The following PMVK variants were observed in gnomAD, a reference collection of about 807,000 sequenced individuals.
PMVK encodes testis tissue sperm-binding protein Li 95mP.
A neutral mutation model predicts 19.0 loss-of-function variants in PMVK; 10 were observed. That is an observed-to-expected ratio of 0.53 (90% CI 0.32 to 0.89). The LOEUF (loss-of-function observed/expected upper bound fraction) is 0.89, where lower values mean the gene tolerates loss of function less well. Among genes scored for constraint, PMVK ranks in the 40% least tolerant of loss-of-function variants. The probability of loss-of-function intolerance (pLI) is 0.03; values close to 1 mark genes in which losing one functional copy is unlikely to be tolerated. For missense variants in PMVK, 222 were observed against 251.1 expected (o/e 0.88, Z 0.78); for synonymous variants, 108 against 101.6 (o/e 1.06, Z -0.38).
rs1347130846 is a variant in PMVK at position 154,924,861 on chromosome 1, G to A, written c.*268C>T. The A allele has an allele frequency of 2.1e-6, 1 of 469,142 alleles. No homozygotes were observed. Among genetic ancestry groups the A allele is most frequent in the African/African-American group, 2.0e-5 (1 of 51,154 alleles). The allele number at this position is 469,142 out of a possible 1,614,324, so 29.1% of individuals were successfully genotyped here. On this transcript the variant is annotated 3_prime_UTR_variant, in exon 5 of 5. Coordinates refer to ENST00000368467, the MANE Select transcript of PMVK (RefSeq NM_006556.4). ...CACAGGCTGAGGGGACTGGCACTGG[G>A]GATATGGCAGGGTTTCGCCTTCAAG...
intron 2 of PMVK, among the ~76,000 whole-genome samples, chr1:154,929,708 C>T (rs1361174108): frequency 6.6e-6 from 1 of 152,074 alleles, no homozygotes; most frequent in Non-Finnish European, 1.5e-5. Context: ...TGGCTCTGGG[C>T]ACTTGCAAGG....
chr1:154,941,003 G>T (rs1654628352), upstream of PMVK, among the ~76,000 whole-genome samples: 1 of 152,238 alleles, frequency 6.6e-6, no homozygotes, highest in Admixed American at 6.5e-5. Context: ...GCCTCTGAGA[G>T]CAGAGTCTGT....
intron 2 of PMVK, among the ~76,000 whole-genome samples, chr1:154,930,956 GCATGCAC>G (rs1452808617): frequency 1.3e-5 from 2 of 151,528 alleles, no homozygotes; most frequent in Non-Finnish European, 2.9e-5. Context: ...AGGCATAGTG[GCATGCAC>G]CTGTATTCCT....
At chr1:154,927,181 T>C (rs1041916860) in intron 3 of PMVK, among the ~76,000 whole-genome samples, 14 of 152,032 alleles carry the variant, frequency 9.2e-5, no homozygotes, top group Non-Finnish European at 4.4e-5. Context: ...CCAGGCATGG[T>C]GGCTCATGCC....
intron 3 of PMVK, among the ~76,000 whole-genome samples, chr1:154,927,705 C>T (rs1417652918): frequency 1.3e-5 from 2 of 151,064 alleles, no homozygotes; most frequent in East Asian, 3.9e-4. Flanking sequence ...CTCAGACACA[C>T]CAGGCACACT....
At chr1:154,932,077 A>C (rs1299409250) in intron 2 of PMVK, among the ~76,000 whole-genome samples, 2 of 152,146 alleles carry the variant, frequency 1.3e-5, no homozygotes, top group East Asian at 3.8e-4. Context: ...GCAGGTCCTT[A>C]CTAATCACAC....
At chr1:154,941,658 G>T (rs1654643060), upstream of PMVK, among the ~76,000 whole-genome samples, 1 of 152,198 alleles carries the variant, frequency 6.6e-6, no homozygotes, top group Non-Finnish European at 1.5e-5. Flanking sequence ...CTCAAAAGGA[G>T]CAATGTGCCT....
At chr1:154,933,413 A>G (rs1654401610) in intron 1 of PMVK, among the ~76,000 whole-genome samples, 1 of 151,344 alleles carries the variant, frequency 6.6e-6, no homozygotes, top group Admixed American at 6.6e-5. Context: ...AGCCTGGGCA[A>G]CAAGAGTGAA....
In PMVK at chr1:154,932,301, T is replaced by C. The variant is rs565825507; in HGVS notation, c.159+51A>G. The C allele has an allele frequency of 1.4e-5, 19 of 1,331,974 alleles. No individual in the cohort carries two copies. The African/African-American group carries it at 1.8e-4, about 12-fold the overall frequency. 82.5% of individuals were successfully genotyped at this position (1,331,974 alleles called of 1,614,324 possible). ...TCAGGCAGCAGCCACAGCTCCAAAG[T>C]CCTGGAGCCGGCCCCGCCCAACACA... On this transcript the variant is annotated intron_variant, in intron 2 of 4. Transcript: ENST00000368467.
upstream of PMVK, among the ~76,000 whole-genome samples, chr1:154,940,740 C>T (rs769229017): frequency 2.6e-5 from 4 of 152,152 alleles, no homozygotes; most frequent in East Asian, 1.9e-4. Flanking sequence ...CAATTAGCCT[C>T]GGGGCAAGGA....
rs370067596 is a variant in PMVK, at chr1:154,925,143, G to A, written c.565C>T (p.Arg189Cys). The A allele has an allele frequency of 1.2e-4, 186 of 1,612,054 alleles. No individual in the cohort carries two copies. The highest frequency in any genetic ancestry group is 1.4e-4 in the Non-Finnish European group (168 of 1,179,220). The change falls in exon 5 of 5, where the codon CGC becomes TGC. Residue 189 changes from arginine to cysteine, a missense_variant. Arg to Cys is a radical substitution (Grantham distance 180). Coordinates refer to ENST00000368467, the MANE Select transcript of PMVK (RefSeq NM_006556.4). ...EQLENLIEFI[R>C]SRL ...GAACCTAGTGACTAAAGTCTGGAGC[G>A]GATAAATTCTATCAGGTTCTCCAAC... is the stretch of plus-strand genomic sequence containing the variant.
In PMVK at chr1:154,929,072, T is replaced by C; in HGVS notation, c.264A>G (p.Pro88=). The C allele has an allele frequency of 6.2e-7, 1 of 1,614,174 alleles. No individual in the cohort carries two copies. The highest frequency in any genetic ancestry group is 1.1e-5 in the South Asian group (1 of 91,088). ...CCACAATCTTCCTGCAAAAGAAGCC[T>C]GGGTCAGCCTGGCGTTTCTCCTCTC... The part of the protein sequence containing the change: ...RWGEEKRQAD[P]GFFCRKIVEG... Residue 88 remains proline, a synonymous_variant, in exon 3 of 5, where the codon CCA becomes CCG. Transcript: ENST00000368467.
At position 154,925,184 on chromosome 1, in the gene PMVK, T is replaced by A; in HGVS notation, c.524A>T (p.Gln175Leu). ...GTTCTCCAACTGCTCCTCCAGGCGC[T>A]GTTCAACTCCATGGTTCTCGATGAC... ...DWVIENHGVE[Q>L]RLEEQLENLI... Residue 175 changes from glutamine to leucine, a missense_variant, in exon 5 of 5, where the codon CAG becomes CTG. Transcript: ENST00000368467. 6.2e-7 allele frequency: 1 copy of A among 1,612,048 alleles called. No homozygotes were observed. Among genetic ancestry groups the A allele is most frequent in the Non-Finnish European group, 8.5e-7 (1 of 1,179,082 alleles).
intron 2 of PMVK, among the ~76,000 whole-genome samples, 164 bp downstream of exon 2, chr1:154,932,188 T>G (rs1053806310): frequency 6.6e-6 from 1 of 152,096 alleles, no homozygotes; most frequent in Non-Finnish European, 1.5e-5. Context: ...AAATATAAGC[T>G]GAAAATGCCC....
At chr1:154,938,911 G>T (rs1654586470), upstream of PMVK, among the ~76,000 whole-genome samples, 1 of 152,114 alleles carries the variant, frequency 6.6e-6, no homozygotes, top group South Asian at 2.1e-4. Flanking sequence ...TGCAGACGGG[G>T]TCTTGCTATG....
chr1:154,940,751 T>C (rs567882181), upstream of PMVK, among the ~76,000 whole-genome samples: 8 of 152,180 alleles, frequency 5.3e-5, no homozygotes, highest in South Asian at 2.1e-4. Flanking sequence ...GGGGCAAGGA[T>C]TGGGGGGCCC....
chr1:154,940,251 T>C (rs1654614896), upstream of PMVK, among the ~76,000 whole-genome samples: 1 of 152,246 alleles, frequency 6.6e-6, no homozygotes, highest in Non-Finnish European at 1.5e-5. Flanking sequence ...TATCCTGCTC[T>C]AGCCAGATGA....
At chr1:154,938,824 C>T (rs1027084216), upstream of PMVK, among the ~76,000 whole-genome samples, 37 of 152,224 alleles carry the variant, frequency 2.4e-4, no homozygotes, top group African/African-American at 4.6e-4. Context: ...CACCTGCCTG[C>T]GCTACCCTCC....
At chr1:154,941,211 C>T (rs74771385), upstream of PMVK, among the ~76,000 whole-genome samples, 2,101 of 152,176 alleles carry the variant, frequency 0.014, 19 homozygotes, top group Non-Finnish European at 0.023. Context: ...AGGAACAGGC[C>T]CAGCCAGAAG....
Sources: gnomAD v4.1 joint callset for allele counts (sites outside exome capture counted in the v4.1 genomes callset) on GRCh38, gnomAD v4.1.1 for gene constraint, MANE v1.5 for transcripts, NCBI Gene and HGNC (gene_info 2026-07-23, HGNC 2026-07-21) for gene names.